The following ABR variants were observed in gnomAD, a reference collection of about 807,000 sequenced individuals.
ABR encodes active breakpoint cluster region-related protein.
In ABR, 35 loss-of-function variants were observed where a neutral mutation model predicts 107.2. The observed-to-expected ratio is 0.33, with a 90% CI of 0.25 to 0.43. ABR has a LOEUF of 0.43. Among genes scored for constraint, ABR ranks in the 20% least tolerant of loss-of-function variants. The pLI is 1.00. For synonymous variants in ABR, 498 were observed against 462.0 expected (o/e 1.08, Z -1.00); for missense variants, 815 against 1,115.2 (o/e 0.73, Z 3.83).
intron 16 of ABR, among the ~76,000 whole-genome samples, chr17:1,026,166 T>C (rs1040667237): frequency 2.0e-5 from 3 of 152,246 alleles, no homozygotes; most frequent in Non-Finnish European, 4.4e-5. Context: ...AGCTCCTTCA[T>C]TGAGCTGATA....
At chr17:1,081,921 A>C (rs2036262932) in intron 5 of ABR, among the ~76,000 whole-genome samples, 1 of 152,106 alleles carries the variant, frequency 6.6e-6, no homozygotes, top group Non-Finnish European at 1.5e-5. Context: ...CAGCAAGCCC[A>C]CTGTGGCTAC....
At chr17:1,066,479 G>A (rs1294930322) in intron 10 of ABR, among the ~76,000 whole-genome samples, 2 of 151,764 alleles carry the variant, frequency 1.3e-5, no homozygotes, top group East Asian at 3.9e-4. Context: ...CACAGGTCCT[G>A]CTTTTCCTTA....
At chr17:1,221,763 T>C (rs1204106977) in intron 1 of ABR, among the ~76,000 whole-genome samples, 1 of 151,944 alleles carries the variant, frequency 6.6e-6, no homozygotes, top group Non-Finnish European at 1.5e-5. Flanking sequence ...GAAAACAGAA[T>C]ATAAGAAGCC....
intron 1 of ABR, among the ~76,000 whole-genome samples, chr17:1,215,118 G>T (rs1344602618): frequency 6.6e-6 from 1 of 151,892 alleles, no homozygotes; most frequent in Non-Finnish European, 1.5e-5. Context: ...TACTCAGGAG[G>T]CTGAGGCAGG....
Position 1,005,256 on chromosome 17 carries a change from T to A in ABR, c.*824A>T. On this transcript the variant is annotated 3_prime_UTR_variant, in exon 23 of 23. Coordinates refer to ENST00000302538, the MANE Select transcript of ABR (RefSeq NM_021962.5). ...AGCAGGGAAGGGAACTGAAAAGCAG[T>A]AGAAGAAACAGTCAGAGATGCCTCA... 1 of 398,388 alleles carries A rather than the reference T, an allele frequency of 2.5e-6. No homozygotes were observed. The allele number at this position is 398,388 out of a possible 1,614,324, so 24.7% of individuals were successfully genotyped here.
chr17:1,161,906 C>T (rs1057227773), intron 1 of ABR, among the ~76,000 whole-genome samples: 10 of 152,264 alleles, frequency 6.6e-5, no homozygotes, highest in Admixed American at 1.3e-4. Flanking sequence ...GGTCCTCTCC[C>T]ACCCGCTACA....
chr17:1,057,760 C>G (rs1053032956), intron 12 of ABR: 1 of 538,666 alleles, frequency 1.9e-6, no homozygotes, highest in Admixed American at 3.1e-5. Flanking sequence ...TGGGTCCAGT[C>G]CCAGGACTAA....
At chr17:1,113,410 C>T (rs1348000215) in intron 2 of ABR, among the ~76,000 whole-genome samples, 1 of 151,430 alleles carries the variant, frequency 6.6e-6, no homozygotes, top group Admixed American at 6.6e-5. Context: ...CCTCAGCCTC[C>T]CAAGTAGCTG....
In ABR at chr17:1,012,674, G is replaced by C; in HGVS notation, c.1961+14C>G. The C allele has an allele frequency of 6.4e-7, 1 of 1,559,744 alleles. No individual in the cohort carries two copies. The highest frequency in any genetic ancestry group is 8.7e-7 in the Non-Finnish European group (1 of 1,149,716). ...CACCGACGCCAGGACTGGGAGACCC[G>C]AGGCAGCACCTACTTCGTCACCACG... On this transcript the variant is annotated intron_variant, in intron 18 of 22. Transcript: ENST00000302538.
chr17:1,214,090 T>C (rs1364265098), intron 1 of ABR, among the ~76,000 whole-genome samples: 1 of 151,934 alleles, frequency 6.6e-6, no homozygotes, highest in Non-Finnish European at 1.5e-5. Flanking sequence ...TTTCATCATG[T>C]TGGTCAGGCT....
chr17:1,073,940 G>C (rs28609191), intron 6 of ABR, among the ~76,000 whole-genome samples: 6 of 150,960 alleles, frequency 4.0e-5, no homozygotes, highest in African/African-American at 1.5e-4. Flanking sequence ...GCTTCATCGA[G>C]AGCCGCCCCG....
chr17:1,157,334 T>G lies in ABR; in HGVS notation c.61+22333A>C, dbSNP rs373615024. 1.8e-3 allele frequency among the ~76,000 whole-genome samples: 266 copies of G among 147,776 alleles called. No homozygotes were observed. Among genetic ancestry groups the G allele is most frequent in the African/African-American group, 6.2e-3 (249 of 39,866 alleles). On this transcript the variant is annotated intron_variant, in intron 1 of 22. Coordinates refer to ENST00000302538, the MANE Select transcript of ABR (RefSeq NM_021962.5). This position sits in a 1 kb window ranked among gnomAD's most constrained non-coding sequence, Gnocchi z 4.7. ...GGTGCAACCTTAGCTCACTGCAACCTCCACCTCCCGGGTTCAAGTAATTCT... is the reference window on the plus strand; with the variant it reads ...GGTGCAACCTTAGCTCACTGCAACCGCCACCTCCCGGGTTCAAGTAATTCT...
intron 2 of ABR, among the ~76,000 whole-genome samples, chr17:1,107,845 G>A (rs905568778): frequency 5.3e-5 from 8 of 152,188 alleles, no homozygotes; most frequent in African/African-American, 1.9e-4. Flanking sequence ...TGCAGCCACC[G>A]CTCCACCCAT....
chr17:1,057,899 C>T (rs2033518270), intron 12 of ABR, 71 bp downstream of exon 12: 9 of 1,396,592 alleles, frequency 6.4e-6, no homozygotes, highest in South Asian at 3.5e-5. Flanking sequence ...GGACATGAAA[C>T]GCTTAGAAAT....
intron 1 of ABR, among the ~76,000 whole-genome samples, chr17:1,203,602 C>A (rs2042729653): frequency 6.7e-6 from 1 of 148,512 alleles, no homozygotes; most frequent in South Asian, 2.1e-4. Flanking sequence ...AGTCGGGAAC[C>A]CCTGAGTCAC....
intron 1 of ABR, among the ~76,000 whole-genome samples, chr17:1,164,741 A>G (rs1422210510): frequency 6.6e-6 from 1 of 152,006 alleles, no homozygotes; most frequent in Admixed American, 6.6e-5. Context: ...ATCTCAGCTC[A>G]CTGAAGCCTC....
At position 1,229,510 on chromosome 17, in the gene ABR, TGA is replaced by T. The variant is rs1172218017; in HGVS notation, c.119_120del (p.Leu40GlnfsTer254). On this transcript the variant is annotated frameshift_variant, in exon 1 of 23. Coordinates refer to the ABR transcript ENST00000574139. LOFTEE classifies it high-confidence loss of function. ...AGCACCTGTTGCAGCCGCTCCAGGT[TGA>T]GTCTGCGGCGCTCCAGCTCCCGCTC... 2.0e-5 allele frequency among the ~76,000 whole-genome samples: 3 copies of T among 151,846 alleles called. No homozygotes were observed. The highest frequency in any genetic ancestry group is 2.0e-4 in the Admixed American group (3 of 15,262).
At chr17:1,079,041 A>AGGGAAG (rs1290992898) in intron 6 of ABR, 168 of 836,750 alleles carry the variant, frequency 2.0e-4, no homozygotes, top group Admixed American at 1.9e-3. Flanking sequence ...CGAGGAGAGG[A>AGGGAAG]GGGAAGGGGA....
chr17:1,205,134 T>G (rs1218342295), intron 1 of ABR, among the ~76,000 whole-genome samples: 1 of 152,070 alleles, frequency 6.6e-6, no homozygotes, highest in Non-Finnish European at 1.5e-5. Flanking sequence ...ACTCCTGACC[T>G]CAGGTGACCC....
Sources: allele counts gnomAD v4.1 joint callset (sites outside exome capture counted in the v4.1 genomes callset), GRCh38; gene constraint gnomAD v4.1.1; non-coding constraint Gnocchi (gnomAD v3.1); transcripts MANE v1.5; gene names NCBI Gene and HGNC (gene_info 2026-07-23, HGNC 2026-07-21).